Variants in ATAD2B observed in about 807,000 individuals in gnomAD.
The protein encoded by ATAD2B is ATPase family AAA domain-containing protein 2B.
ATAD2B carries 40 observed loss-of-function variants against 167.6 expected under a neutral mutation model. The ratio of observed to expected loss-of-function variants is 0.24; its 90% CI spans 0.19 to 0.31. The LOEUF (loss-of-function observed/expected upper bound fraction) is 0.31. ATAD2B is among the 10% of genes least tolerant of loss of function. The pLI is 1.00. For synonymous variants in ATAD2B, 579 were observed against 596.5 expected (o/e 0.97, Z 0.43); for missense variants, 1,242 against 1,757.2 (o/e 0.71, Z 5.24).
the ATAD2B span, chr2:23,696,433 G>A: frequency 5.2e-6 from 8 of 1,551,256 alleles, no homozygotes; most frequent in African/African-American, 4.1e-5. This position sits in a 1 kb window ranked among gnomAD's most constrained non-coding sequence, Gnocchi z 5.5. Context: ...CCCGCTGTCG[G>A]CACAATAGCC....
Position 23,798,189 on chromosome 2 carries a change from A to G in ATAD2B, c.2589T>C (p.Pro863=). ...TLLQDIPSFS[P]IFLLSTSETM... ...TTTCAGAGGTAGACAATAAAAATAT[A>G]GGTGAAAATGATGGTATATCTTGTA... Residue 863 remains proline, a synonymous_variant, in exon 19 of 28, where the codon CCT becomes CCC. Coordinates refer to ENST00000238789, the MANE Select transcript of ATAD2B (RefSeq NM_017552.4). 6.2e-7 allele frequency: 1 copy of G among 1,603,982 alleles called. No homozygotes were observed.
chr2:23,724,818 C>A, the ATAD2B span, among the ~76,000 whole-genome samples: 24 of 151,888 alleles, frequency 1.6e-4, no homozygotes, highest in Admixed American at 5.2e-4. Context: ...CCGAGGTGGG[C>A]GGATCACGAG....
At chr2:23,833,134 A>C (rs1466666163) in intron 14 of ATAD2B, among the ~76,000 whole-genome samples, 1 of 152,050 alleles carries the variant, frequency 6.6e-6, no homozygotes, top group Non-Finnish European at 1.5e-5. Context: ...CTGAGGTATG[A>C]ACTGCTCTAC....
At chr2:23,724,719 A>G in the ATAD2B span, among the ~76,000 whole-genome samples, 88,337 of 151,952 alleles carry the variant, frequency 0.58, 26,435 homozygotes, top group East Asian at 0.79. Context: ...TCAAGTGGCC[A>G]AATATCAAGA....
intron 1 of ATAD2B, among the ~76,000 whole-genome samples, chr2:23,910,114 T>C (rs1393886103): frequency 6.6e-6 from 1 of 151,818 alleles, no homozygotes; most frequent in African/African-American, 2.4e-5. Context: ...TCCTCCAACC[T>C]TGGCCTCCCA....
Position 23,884,904 on chromosome 2 carries a change from A to G in ATAD2B, c.676-31T>C, listed in dbSNP as rs1477978611. On this transcript the variant is annotated intron_variant, in intron 5 of 27. Transcript: ENST00000238789. ...AAAGAAAGAAATCTGTCAAATAGCA[A>G]CATGACATTTATTCTCCACTACAAA... The G allele has an allele frequency of 2.9e-6, 4 of 1,386,654 alleles. No individual in the cohort carries two copies. In the Admixed American group the frequency reaches 9.6e-5, roughly 33 times the overall value. 85.9% of individuals were successfully genotyped at this position (1,386,654 alleles called of 1,614,324 possible).
chr2:23,695,679 G>C, the ATAD2B span: 4 of 1,551,594 alleles, frequency 2.6e-6, no homozygotes, highest in Admixed American at 7.8e-5. This position sits in a 1 kb window ranked among gnomAD's most constrained non-coding sequence, Gnocchi z 7.6. Flanking sequence ...CCAGCTACCT[G>C]CTCAATGTGG....
At chr2:23,688,234 G>C in the ATAD2B span, among the ~76,000 whole-genome samples, 1 of 152,234 alleles carries the variant, frequency 6.6e-6, no homozygotes. Flanking sequence ...CTGGGTGCAT[G>C]CCCATGCGTG....
At chr2:23,861,260 T>C (rs1189140308) in intron 12 of ATAD2B, among the ~76,000 whole-genome samples, 1 of 151,224 alleles carries the variant, frequency 6.6e-6, no homozygotes, top group African/African-American at 2.4e-5. Flanking sequence ...TGAAATCTCA[T>C]AACAGTCTAG....
At chr2:23,736,478 C>G in the ATAD2B span, among the ~76,000 whole-genome samples, 1 of 152,042 alleles carries the variant, frequency 6.6e-6, no homozygotes, top group Non-Finnish European at 1.5e-5. Context: ...AAAAGAAAAA[C>G]AAAGAAAAAA....
At chr2:23,731,845 C>T in the ATAD2B span, among the ~76,000 whole-genome samples, 1 of 152,042 alleles carries the variant, frequency 6.6e-6, no homozygotes, top group Admixed American at 6.6e-5. Context: ...GCATTGGTGA[C>T]ATGTGCCTTT....
At chr2:23,705,274 C>T in the ATAD2B span, among the ~76,000 whole-genome samples, 12 of 152,254 alleles carry the variant, frequency 7.9e-5, no homozygotes, top group East Asian at 5.8e-4. Flanking sequence ...GAATGGATCA[C>T]GAGGTCAGGA....
chr2:23,834,121 C>T (rs1204626121), intron 13 of ATAD2B, 43 bp from the exon 14 acceptor site: 2 of 890,642 alleles, frequency 2.2e-6, no homozygotes, highest in Admixed American at 6.4e-5. Flanking sequence ...ATTGTAAACA[C>T]TGCTGCTTAC....
rs1313510702 is a variant in ATAD2B, at chr2:23,749,053, A to T, written c.*2993T>A. 1 of 152,158 alleles carries T rather than the reference A, an allele frequency of 6.6e-6. No individual in the cohort carries two copies. Among genetic ancestry groups the T allele is most frequent in the Non-Finnish European group, 1.5e-5 (1 of 68,008 alleles). The allele number at this position is 152,158 out of a possible 1,614,324, so 9.4% of individuals were successfully genotyped here. On this transcript the variant is annotated 3_prime_UTR_variant, in exon 28 of 28. Transcript: ENST00000238789. ...ACACTGAAGATACCTACTGAATAGC[A>T]CCATAGCTGAACCAACTTAATCAAA... is the stretch of plus-strand genomic sequence containing the variant.
chr2:23,914,558 G>A (rs1228927207), intron 1 of ATAD2B, among the ~76,000 whole-genome samples: 2 of 152,030 alleles, frequency 1.3e-5, no homozygotes, highest in Non-Finnish European at 2.9e-5. Context: ...AAGAACTCTC[G>A]GCCCGGCGCG....
the ATAD2B span, among the ~76,000 whole-genome samples, chr2:23,692,968 C>T: frequency 1.3e-5 from 2 of 152,176 alleles, no homozygotes; most frequent in Non-Finnish European, 2.9e-5. Flanking sequence ...GACCCCAGCC[C>T]AGGCCCAGGC....
intron 25 of ATAD2B, among the ~76,000 whole-genome samples, chr2:23,756,512 G>A (rs1428576166): frequency 6.6e-6 from 1 of 152,146 alleles, no homozygotes; most frequent in Non-Finnish European, 1.5e-5. Flanking sequence ...TACCTATCCA[G>A]GAAGGAAATG....
Position 23,762,440 on chromosome 2 carries a change from T to C in ATAD2B, c.3257-94A>G, listed in dbSNP as rs1247663508. 8.3e-6 allele frequency: 11 copies of C among 1,318,994 alleles called. No individual in the cohort carries two copies. In the South Asian group the frequency reaches 1.4e-4, roughly 17 times the overall value. The allele number at this position is 1,318,994 out of a possible 1,614,324, so 81.7% of individuals were successfully genotyped here. ...AAATCTCAAATACAAAACTGAGTTT[T>C]AAAGTCATTAATTATACTAGGGCAG... On this transcript the variant is annotated intron_variant, in intron 23 of 27. Coordinates refer to ENST00000238789, the MANE Select transcript of ATAD2B (RefSeq NM_017552.4).
intron 19 of ATAD2B, among the ~76,000 whole-genome samples, chr2:23,791,264 G>A (rs1013647469): frequency 6.6e-6 from 1 of 152,088 alleles, no homozygotes; most frequent in Non-Finnish European, 1.5e-5. Flanking sequence ...ATGTCTTTCT[G>A]TGAAAGTATG....
Sources: allele counts gnomAD v4.1 joint callset (sites outside exome capture counted in the v4.1 genomes callset), GRCh38; gene constraint gnomAD v4.1.1; non-coding constraint Gnocchi (gnomAD v3.1); transcripts MANE v1.5; gene names NCBI Gene and HGNC (gene_info 2026-07-23, HGNC 2026-07-21).